SHROOM3: variants seen among roughly 807,000 people sequenced by gnomAD.
SHROOM3 encodes the protein protein Shroom3.
In SHROOM3, 47 loss-of-function variants were observed where a neutral mutation model predicts 138.6. The ratio of observed to expected loss-of-function variants is 0.34; its 90% CI spans 0.27 to 0.43. The LOEUF is 0.43. Among genes scored for constraint, SHROOM3 ranks in the 20% least tolerant of loss-of-function variants. SHROOM3 has a pLI of 1.00. For synonymous variants in SHROOM3, 1,062 were observed against 1,063.3 expected (o/e 1.00, Z 0.02); for missense variants, 2,491 against 2,596.5 (o/e 0.96, Z 0.88).
chr4:76,676,239 C>T (rs576022301), intron 2 of SHROOM3, among the ~76,000 whole-genome samples: 2 of 151,882 alleles, frequency 1.3e-5, no homozygotes, highest in African/African-American at 4.8e-5. Flanking sequence ...ATGGGACTTA[C>T]AAAAACAAAG....
At chr4:76,441,235 C>G (rs953811664) in intron 1 of SHROOM3, among the ~76,000 whole-genome samples, 1 of 151,902 alleles carries the variant, frequency 6.6e-6, no homozygotes, top group African/African-American at 2.4e-5. Context: ...GCTGGGACTA[C>G]AGGCGCCTGC....
chr4:76,660,643 T>C (rs1736163947), intron 2 of SHROOM3, among the ~76,000 whole-genome samples: 1 of 151,932 alleles, frequency 6.6e-6, no homozygotes, highest in South Asian at 2.1e-4. Context: ...ACCCAGCTAA[T>C]TTTTGTATTT....
chr4:76,658,947 G>A (rs760643409), intron 2 of SHROOM3, among the ~76,000 whole-genome samples: 3 of 151,718 alleles, frequency 2.0e-5, no homozygotes, highest in Non-Finnish European at 4.4e-5. Flanking sequence ...TAGGGAATGT[G>A]TAACTAATTT....
At chr4:76,498,029 G>A (rs758694821) in intron 1 of SHROOM3, among the ~76,000 whole-genome samples, 1 of 152,110 alleles carries the variant, frequency 6.6e-6, no homozygotes, top group South Asian at 2.1e-4. Context: ...TTTTAGCAGG[G>A]AAGCAATGCA....
chr4:76,490,016 A>G (rs1002872125), intron 1 of SHROOM3, among the ~76,000 whole-genome samples: 2 of 152,162 alleles, frequency 1.3e-5, no homozygotes, highest in African/African-American at 4.8e-5. Context: ...TTGGGTCCAA[A>G]TACTCCCTAG....
intron 1 of SHROOM3, among the ~76,000 whole-genome samples, chr4:76,450,439 A>G (rs920891987): frequency 6.6e-6 from 1 of 152,208 alleles, no homozygotes; most frequent in Non-Finnish European, 1.5e-5. Context: ...TCATACTCAA[A>G]TGTTCATAGC....
At chr4:76,752,989 A>G (rs1228707398) in intron 6 of SHROOM3, among the ~76,000 whole-genome samples, 1 of 152,218 alleles carries the variant, frequency 6.6e-6, no homozygotes, top group Non-Finnish European at 1.5e-5. Flanking sequence ...TCTGGAGAGC[A>G]GCTGGGCAAA....
In SHROOM3 at chr4:76,561,846, T is replaced by C. The variant is rs549334591; in HGVS notation, c.323+6083T>C. 2.0e-5 allele frequency among the ~76,000 whole-genome samples: 3 copies of C among 151,836 alleles called. No individual in the cohort carries two copies. In the East Asian group the frequency reaches 5.8e-4, roughly 29 times the overall value. On this transcript the variant is annotated intron_variant, in intron 2 of 10. Coordinates refer to ENST00000296043, the MANE Select transcript of SHROOM3 (RefSeq NM_020859.4). ...CTAACATGGTGAAACCCCGTTTCTA[T>C]TAAAAATACAAAAAATTGTCCAGGA... is the stretch of plus-strand genomic sequence containing the variant.
intron 1 of SHROOM3, among the ~76,000 whole-genome samples, chr4:76,539,212 G>A (rs34855982): frequency 0.077 from 11,792 of 152,162 alleles, 628 homozygotes; most frequent in East Asian, 0.16. Context: ...CAGATAGTAG[G>A]CACAACCAGA....
chr4:76,590,611 G>A (rs944155270), intron 2 of SHROOM3, among the ~76,000 whole-genome samples: 1 of 151,512 alleles, frequency 6.6e-6, no homozygotes, highest in African/African-American at 2.4e-5. Context: ...TCTACACAGT[G>A]ATGAGTTTTT....
chr4:76,513,543 A>G (rs1237757059), intron 1 of SHROOM3, among the ~76,000 whole-genome samples: 1 of 152,044 alleles, frequency 6.6e-6, no homozygotes, highest in African/African-American at 2.4e-5. Context: ...TGAACTCCTG[A>G]CCTCAGGTGA....
intron 2 of SHROOM3, among the ~76,000 whole-genome samples, chr4:76,574,275 A>G (rs564551514): frequency 6.6e-6 from 1 of 152,278 alleles, no homozygotes; most frequent in African/African-American, 2.4e-5. Context: ...AATTTTGGCA[A>G]TTAGAATCCT....
rs975091016 is a variant in SHROOM3, at chr4:76,742,862, T to C, written c.3753+936T>C. On this transcript the variant is annotated intron_variant, in intron 5 of 10. Transcript: ENST00000296043. Reference sequence around the variant, plus strand: ...TCCACTCTCCCCTCTCAGATTCTGCTGTTTTCCCTTTCAGAGAAGTCAGCC... The same window carrying C: ...TCCACTCTCCCCTCTCAGATTCTGCCGTTTTCCCTTTCAGAGAAGTCAGCC... Among the ~76,000 whole-genome samples the C allele has an allele frequency of 2.0e-5, 3 of 152,328 alleles. No homozygotes were observed. The East Asian group carries it at 5.8e-4, about 29-fold the overall frequency.
rs344143 is a variant in SHROOM3, at chr4:76,741,156, C to T, written c.2983C>T (p.Leu995=). The T allele has an allele frequency of 0.45, 706,067 of 1,572,822 alleles. 160,314 individuals are homozygous for T. Among genetic ancestry groups the T allele is most frequent in the Non-Finnish European group, 0.47 (542,517 of 1,160,394 alleles). Residue 995 remains leucine (L), a synonymous_variant, in exon 5 of 11, where the codon CTG becomes TTG. Coordinates refer to ENST00000296043, the MANE Select transcript of SHROOM3 (RefSeq NM_020859.4). This position sits in a 1 kb window ranked among gnomAD's most constrained non-coding sequence, Gnocchi z 6.2. ...RHSVTPAEGD[L]ARPVPPAARR... ...CAGCGTGACCCCTGCTGAGGGCGACCTGGCCAGGCCCGTGCCCCCTGCCGC... is the reference window on the plus strand; with the variant it reads ...CAGCGTGACCCCTGCTGAGGGCGACTTGGCCAGGCCCGTGCCCCCTGCCGC...
At chr4:76,452,734 T>G (rs1730949990) in intron 1 of SHROOM3, among the ~76,000 whole-genome samples, 1 of 152,212 alleles carries the variant, frequency 6.6e-6, no homozygotes, top group Non-Finnish European at 1.5e-5. Context: ...TTTTTGTTTT[T>G]GAGACAGAGT....
Position 76,524,678 on chromosome 4 carries a change from A to G in SHROOM3, c.169-30931A>G, listed in dbSNP as rs536961514. 1.6e-3 allele frequency among the ~76,000 whole-genome samples: 242 copies of G among 152,300 alleles called. 3 individuals are homozygous for G. The highest frequency in any genetic ancestry group is 5.7e-3 in the African/African-American group (238 of 41,562). On this transcript the variant is annotated intron_variant, in intron 1 of 10. Coordinates refer to ENST00000296043, the MANE Select transcript of SHROOM3 (RefSeq NM_020859.4). ...TAGATTTGTGCCCAGGATTCCCAGA[A>G]AACAGGTTTCCATGAATGCCACTGA...
rs1397502781 is a variant in SHROOM3 at position 76,741,106 on chromosome 4, C to A, written c.2933C>A (p.Ser978Tyr). 1 of 1,548,974 alleles carries A rather than the reference C, an allele frequency of 6.5e-7. No individual in the cohort carries two copies. The highest frequency in any genetic ancestry group is 1.2e-5 in the South Asian group (1 of 84,190). ...LRSPEASASA[S>Y]PHTPRERHSV... ...AGCCCCGAGGCGTCGGCCTCCGCCT[C>A]CCCGCACACGCCCCGGGAGCGGCAC... is the stretch of plus-strand genomic sequence containing the variant. The change falls in exon 5 of 11, where the codon TCC becomes TAC. Residue 978 changes from serine (S) to tyrosine (Y), a missense_variant. Around this residue, in one of 4 missense-constraint regions of SHROOM3, gnomAD observed 1,733 missense variants for 1,661.6 expected, o/e 1.04. Coordinates refer to ENST00000296043, the MANE Select transcript of SHROOM3 (RefSeq NM_020859.4). This position sits in a 1 kb window ranked among gnomAD's most constrained non-coding sequence, Gnocchi z 6.2.
At chr4:76,736,312 T>G (rs886763653) in intron 4 of SHROOM3, among the ~76,000 whole-genome samples, 2 of 152,272 alleles carry the variant, frequency 1.3e-5, no homozygotes, top group Non-Finnish European at 2.9e-5. Context: ...TTGGGAGCTA[T>G]TTCCTTCCTT....
chr4:76,620,549 C>T (rs1025773262), intron 2 of SHROOM3, among the ~76,000 whole-genome samples: 12 of 152,102 alleles, frequency 7.9e-5, no homozygotes, highest in South Asian at 4.1e-4. Flanking sequence ...AAGTTTTAGA[C>T]GGAGGGAATG....
Sources: gnomAD v4.1 joint callset for allele counts (sites outside exome capture counted in the v4.1 genomes callset) on GRCh38, gnomAD v4.1.1 for gene constraint, gnomAD v4.1.1 regional missense constraint, Gnocchi (gnomAD v3.1) non-coding constraint, MANE v1.5 for transcripts, NCBI Gene and HGNC (gene_info 2026-07-23, HGNC 2026-07-21) for gene names.